The following ARID1A variants were observed in gnomAD, a reference collection of about 807,000 sequenced individuals.
ARID1A encodes the protein AT-rich interactive domain-containing protein 1A.
In ARID1A, 20 loss-of-function variants were observed where a neutral mutation model predicts 212.6. The observed-to-expected ratio is 0.09, with a 90% CI of 0.07 to 0.14. The LOEUF is 0.14. ARID1A is among the 10% of genes least tolerant of loss of function. The pLI is 1.00. For missense variants in ARID1A, 2,587 were observed against 3,059.0 expected, an observed-to-expected ratio of 0.85 and a Z score of 3.64; for synonymous variants, 1,376 against 1,222.1, an observed-to-expected ratio of 1.13 and a Z score of -2.63.
intron 1 of ARID1A, among the ~76,000 whole-genome samples, chr1:26,709,453 T>C (rs1016359377): frequency 6.6e-6 from 1 of 151,980 alleles, no homozygotes; most frequent in Non-Finnish European, 1.5e-5. Context: ...TGTAGGAAGA[T>C]TGCAGCACTA....
At chr1:26,739,960 C>T (rs1280491795) in intron 4 of ARID1A, among the ~76,000 whole-genome samples, 6 of 150,686 alleles carry the variant, frequency 4.0e-5, no homozygotes, top group Non-Finnish European at 8.8e-5. Context: ...CCAAGTCTGT[C>T]CTCAGCATAA....
rs781401097 is a variant in ARID1A at position 26,766,242 on chromosome 1, G to C, written c.2754G>C (p.Met918Ile). The change falls in exon 9 of 20, where the codon ATG becomes ATC. Residue 918 changes from methionine (M) to isoleucine (I), a missense_variant. Met to Ile is a conservative substitution (Grantham distance 10). Transcript: ENST00000324856. ...TTAGGCCGCCAGGCTACCCCAATAT[G>C]AATCAAGGGGGCATGATGGGAACTG... The part of the protein sequence containing the change: ...IQNRPPGYPN[M>I]NQGGMMGTGP... The C allele has an allele frequency of 3.2e-5, 52 of 1,613,684 alleles. No individual in the cohort carries two copies. Among genetic ancestry groups the C allele is most frequent in the Non-Finnish European group, 4.1e-5 (48 of 1,179,892 alleles).
At chr1:26,698,824 G>T (rs560589472) in intron 1 of ARID1A, among the ~76,000 whole-genome samples, 1 of 152,254 alleles carries the variant, frequency 6.6e-6, no homozygotes, top group East Asian at 1.9e-4. Context: ...TTTATGGGGG[G>T]CCAGAAAACA....
chr1:26,730,400 A>G (rs1228965695), intron 2 of ARID1A, among the ~76,000 whole-genome samples: 2 of 152,228 alleles, frequency 1.3e-5, no homozygotes, highest in African/African-American at 4.8e-5. Flanking sequence ...TCACATCATT[A>G]TCTCTTTATT....
At position 26,771,564 on chromosome 1, in the gene ARID1A, C is replaced by A; in HGVS notation, c.3406+238C>A. On this transcript the variant is annotated intron_variant, in intron 12 of 19. Transcript: ENST00000324856. This position sits in a 1 kb window ranked among gnomAD's most constrained non-coding sequence, Gnocchi z 5.4. ...TTTTGTTGTGCAGCTGACAACTTGC[C>A]AAATGTTTGTAAACTGGTGAATGGG... The A allele has an allele frequency of 1.8e-6, 1 of 549,124 alleles. No homozygotes were observed. Among genetic ancestry groups the A allele is most frequent in the Non-Finnish European group, 3.2e-6 (1 of 307,992 alleles). 34.0% of individuals were successfully genotyped at this position (549,124 alleles called of 1,614,324 possible).
Position 26,771,512 on chromosome 1 carries a change from A to G in ARID1A, c.3406+186A>G, listed in dbSNP as rs2081082510. ...GGCAGTGGAAACTCCCTTGGGAGGT[A>G]CTCTACGGCAGCTCTTAAGTTTTAA... On this transcript the variant is annotated intron_variant, in intron 12 of 19. Coordinates refer to ENST00000324856, the MANE Select transcript of ARID1A (RefSeq NM_006015.6). The surrounding 1 kb of genome is among the most constrained non-coding windows in gnomAD (Gnocchi z 5.4). 1 of 621,512 alleles carries G rather than the reference A, an allele frequency of 1.6e-6. No homozygotes were observed. The highest frequency in any genetic ancestry group is 1.8e-5 in the African/African-American group (1 of 54,434). 38.5% of individuals were successfully genotyped at this position (621,512 alleles called of 1,614,324 possible).
At chr1:26,726,077 A>G (rs1331848346) in intron 1 of ARID1A, among the ~76,000 whole-genome samples, 2 of 149,886 alleles carry the variant, frequency 1.3e-5, no homozygotes, top group African/African-American at 2.5e-5. Context: ...CTGGTCTGGA[A>G]CTCCTGACCT....
intron 1 of ARID1A, among the ~76,000 whole-genome samples, chr1:26,711,966 C>T (rs559044370): frequency 7.9e-5 from 12 of 152,138 alleles, no homozygotes; most frequent in African/African-American, 2.9e-4. Context: ...CCTGTAGTCT[C>T]AGCTACGTGG....
intron 10 of ARID1A, 70 bp from the exon 11 acceptor site, chr1:26,767,720 G>C: frequency 7.1e-7 from 1 of 1,417,706 alleles, no homozygotes; most frequent in Non-Finnish European, 9.6e-7. Flanking sequence ...CCAGTCAAGA[G>C]ACTTCTGAGA....
intron 4 of ARID1A, among the ~76,000 whole-genome samples, chr1:26,741,836 T>C (rs1264369603): frequency 6.6e-6 from 1 of 152,244 alleles, no homozygotes; most frequent in African/African-American, 2.4e-5. Context: ...GTATTTTTAC[T>C]TCTGTAATGC....
At chr1:26,755,995 G>A (rs549664443) in intron 4 of ARID1A, among the ~76,000 whole-genome samples, 8 of 151,892 alleles carry the variant, frequency 5.3e-5, no homozygotes, top group African/African-American at 1.2e-4. Flanking sequence ...CTCCTGCCTC[G>A]GCCTCCCAAA....
chr1:26,768,448 A>G (rs2081057399), intron 11 of ARID1A, among the ~76,000 whole-genome samples: 1 of 152,172 alleles, frequency 6.6e-6, no homozygotes. Context: ...TATATAACCC[A>G]CTAGACTGTC....
Position 26,780,824 on chromosome 1 carries a change from C to A in ARID1A, c.*68C>A, listed in dbSNP as rs1328126265. ...TGGAGAACTTAGAAACTGACTGTTG[C>A]CCTTTATTTATGCAAAACCACCTCA... On this transcript the variant is annotated 3_prime_UTR_variant, in exon 20 of 20. Transcript: ENST00000324856. The surrounding 1 kb of genome is among the most constrained non-coding windows in gnomAD (Gnocchi z 7.2). 6.7e-7 allele frequency: 1 copy of A among 1,501,384 alleles called. No homozygotes were observed. The highest frequency in any genetic ancestry group is 2.3e-5 in the East Asian group (1 of 43,766). The allele number at this position is 1,501,384 out of a possible 1,614,324, so 93.0% of individuals were successfully genotyped here. A position where few individuals can be genotyped will look rare whatever the true frequency, so the allele number is the denominator to read the frequency against.
At chr1:26,742,505 A>G (rs1464530692) in intron 4 of ARID1A, among the ~76,000 whole-genome samples, 1 of 152,180 alleles carries the variant, frequency 6.6e-6, no homozygotes, top group Non-Finnish European at 1.5e-5. Context: ...AGTGTGGTCC[A>G]TTGTCTAGAA....
chr1:26,759,479 A>T (rs891510043), intron 4 of ARID1A, among the ~76,000 whole-genome samples: 1 of 152,156 alleles, frequency 6.6e-6, no homozygotes, highest in Non-Finnish European at 1.5e-5. Flanking sequence ...AAAGGCTGGG[A>T]CTACAGGCAT....
rs538175753 is a variant in ARID1A, at chr1:26,775,548, T to A, written c.4994-29T>A. 3.1e-6 allele frequency: 5 copies of A among 1,612,834 alleles called. No homozygotes were observed. In the South Asian group the frequency reaches 5.5e-5, roughly 18 times the overall value. On this transcript the variant is annotated intron_variant, in intron 18 of 19. Coordinates refer to ENST00000324856, the MANE Select transcript of ARID1A (RefSeq NM_006015.6). ...GTGCCTCCAGCCAACCTGGGCTTGGTGGATAGACGACATGGAGGTTTATTT... is the reference window on the plus strand; with the variant it reads ...GTGCCTCCAGCCAACCTGGGCTTGGAGGATAGACGACATGGAGGTTTATTT...
intron 19 of ARID1A, among the ~76,000 whole-genome samples, chr1:26,777,197 T>G (rs984512829): frequency 1.3e-5 from 2 of 152,052 alleles, no homozygotes; most frequent in African/African-American, 4.8e-5. Context: ...CCTGAGTAGC[T>G]GGGACTACAG....
rs2081113011 is a variant in ARID1A, at chr1:26,774,295, G to A, written c.4102-34G>A. The A allele has an allele frequency of 6.6e-7, 1 of 1,520,026 alleles. No homozygotes were observed. Among genetic ancestry groups the A allele is most frequent in the South Asian group, 1.3e-5 (1 of 75,722 alleles). The allele number at this position is 1,520,026 out of a possible 1,614,324, so 94.2% of individuals were successfully genotyped here. A position where few individuals can be genotyped will look rare whatever the true frequency, so the allele number is the denominator to read the frequency against. On this transcript the variant is annotated intron_variant, in intron 17 of 19. Coordinates refer to ENST00000324856, the MANE Select transcript of ARID1A (RefSeq NM_006015.6). This position sits in a 1 kb window ranked among gnomAD's most constrained non-coding sequence, Gnocchi z 5.6. ...TGGGCTTTATGTCCCTGAGTGCAGA[G>A]TATTAACTTCCCCTCTGCTTGTCTC...
intron 1 of ARID1A, among the ~76,000 whole-genome samples, chr1:26,698,650 C>T (rs1465652076): frequency 6.6e-6 from 1 of 152,192 alleles, no homozygotes; most frequent in African/African-American, 2.4e-5. Flanking sequence ...TTTTTCTCTA[C>T]AATGGGTTTG....
Sources: allele counts gnomAD v4.1 joint callset (sites outside exome capture counted in the v4.1 genomes callset), GRCh38; gene constraint gnomAD v4.1.1; non-coding constraint Gnocchi (gnomAD v3.1); transcripts MANE v1.5; gene names NCBI Gene and HGNC (gene_info 2026-07-23, HGNC 2026-07-21).